Variants in GABRB1 observed in about 807,000 individuals in gnomAD.
The protein encoded by GABRB1 is gamma-aminobutyric acid type A receptor subunit beta1.
A neutral mutation model predicts 51.6 loss-of-function variants in GABRB1; 17 were observed. The observed-to-expected ratio is 0.33, with a 90% confidence interval of 0.23 to 0.49. GABRB1 has a LOEUF of 0.49. Among genes scored for constraint, GABRB1 ranks in the 20% least tolerant of loss-of-function variants. GABRB1 has a pLI of 0.99. For missense variants in GABRB1, 410 were observed against 600.6 expected, an observed-to-expected ratio of 0.68 and a Z score of 3.32; for synonymous variants, 247 against 218.9, an observed-to-expected ratio of 1.13 and a Z score of -1.14.
chr4:47,052,334 A>C (rs1374989019), intron 3 of GABRB1, among the ~76,000 whole-genome samples: 1 of 152,100 alleles, frequency 6.6e-6, no homozygotes. Flanking sequence ...AGGCATAATC[A>C]TTGTTTTCTC....
chr4:47,380,304 C>A (rs769519322), intron 5 of GABRB1, among the ~76,000 whole-genome samples: 3 of 152,164 alleles, frequency 2.0e-5, no homozygotes, highest in Non-Finnish European at 2.9e-5. Context: ...GAAGTAGACA[C>A]ACAGCGGACT....
chr4:47,351,872 G>A (rs1184681027), intron 5 of GABRB1, among the ~76,000 whole-genome samples: 10 of 151,970 alleles, frequency 6.6e-5, no homozygotes, highest in South Asian at 6.2e-4. Flanking sequence ...ATAAACATAC[G>A]TGTGCATGTG....
chr4:47,004,030 C>T (rs1311151400), intron 1 of GABRB1, among the ~76,000 whole-genome samples: 3 of 151,824 alleles, frequency 2.0e-5, no homozygotes, highest in East Asian at 3.9e-4. Context: ...TTGCTCTGTC[C>T]CCAGGCTGGA....
At chr4:47,112,899 A>G (rs1715291555) in intron 3 of GABRB1, among the ~76,000 whole-genome samples, 1 of 152,104 alleles carries the variant, frequency 6.6e-6, no homozygotes, top group Non-Finnish European at 1.5e-5. Flanking sequence ...CTAAAAAGAA[A>G]CCCTATCTCT....
chr4:47,352,553 A>T (rs1726391772), intron 5 of GABRB1, among the ~76,000 whole-genome samples: 1 of 152,200 alleles, frequency 6.6e-6, no homozygotes. Flanking sequence ...CAGCACATCA[A>T]AAAGCTTATC....
intron 5 of GABRB1, among the ~76,000 whole-genome samples, chr4:47,366,696 C>T (rs1726996668): frequency 1.3e-5 from 2 of 151,980 alleles, no homozygotes; most frequent in Non-Finnish European, 2.9e-5. Context: ...TCTTCAGTAA[C>T]TGAAGAATAA....
At chr4:47,370,148 C>T (rs1209312596) in intron 5 of GABRB1, among the ~76,000 whole-genome samples, 4 of 152,148 alleles carry the variant, frequency 2.6e-5, no homozygotes, top group South Asian at 2.1e-4. Context: ...TTTACAAAAA[C>T]GGCTGTTTAT....
rs76376512 is a variant in GABRB1, at chr4:47,355,762, T to A, written c.544+35553T>A. Among the ~76,000 whole-genome samples the A allele has an allele frequency of 7.8e-3, 1,193 of 152,322 alleles. 10 individuals carry two copies. Among genetic ancestry groups the A allele is most frequent in the African/African-American group, 0.026 (1,090 of 41,576 alleles). ...ATCAAGGGCCCTGAGGGAACAATAATTCTGCTATACACTTAAATTGATCTA... is the reference window on the plus strand; with the variant it reads ...ATCAAGGGCCCTGAGGGAACAATAAATCTGCTATACACTTAAATTGATCTA... On this transcript the variant is annotated intron_variant, in intron 5 of 8. Transcript: ENST00000295454.
intron 4 of GABRB1, among the ~76,000 whole-genome samples, chr4:47,260,227 T>G (rs4588437): frequency 2.6e-5 from 4 of 151,438 alleles, no homozygotes; most frequent in African/African-American, 7.3e-5. Flanking sequence ...TGTCTCTGCA[T>G]GTGAGATGGG....
At chr4:47,400,921 C>CTTTTTTTGTTTTTTT (rs1728356266) in intron 5 of GABRB1, among the ~76,000 whole-genome samples, 1 of 98,542 alleles carries the variant, frequency 1.0e-5, no homozygotes, top group African/African-American at 4.1e-5. Flanking sequence ...TTGTTCTTCT[C>CTTTTTTTGTTTTTTT]TTTTTTTTTT....
intron 4 of GABRB1, among the ~76,000 whole-genome samples, chr4:47,267,611 A>G (rs564223326): frequency 9.7e-4 from 147 of 152,194 alleles, no homozygotes; most frequent in African/African-American, 3.3e-3. Context: ...CCTGGCCAAC[A>G]ATGCAAAACC....
At chr4:47,382,504 C>T (rs1727629862) in intron 5 of GABRB1, among the ~76,000 whole-genome samples, 1 of 152,216 alleles carries the variant, frequency 6.6e-6, no homozygotes, top group Non-Finnish European at 1.5e-5. Flanking sequence ...GTAGCTATCA[C>T]TTTGCAAAAT....
intron 5 of GABRB1, among the ~76,000 whole-genome samples, chr4:47,368,395 G>T (rs1268173915): frequency 6.6e-6 from 1 of 152,058 alleles, no homozygotes; most frequent in South Asian, 2.1e-4. Context: ...GGTGACATTT[G>T]GCAATGTCTG....
At chr4:47,400,839 C>G (rs1468695580) in intron 5 of GABRB1, among the ~76,000 whole-genome samples, 1 of 151,870 alleles carries the variant, frequency 6.6e-6, no homozygotes, top group African/African-American at 2.4e-5. Context: ...TTTTCTGTTC[C>G]TGAGTTACTT....
At chr4:47,404,558 T>A (rs1197875390) in intron 7 of GABRB1, among the ~76,000 whole-genome samples, 2 of 151,532 alleles carry the variant, frequency 1.3e-5, no homozygotes, top group Non-Finnish European at 1.5e-5. Flanking sequence ...ACATATTTCA[T>A]CTCTTCACTT....
chr4:47,297,691 T>C, intron 4 of GABRB1, among the ~76,000 whole-genome samples: 1 of 152,188 alleles, frequency 6.6e-6, no homozygotes, highest in Non-Finnish European at 1.5e-5. Context: ...AAGGAGGAAC[T>C]GGTACCATTC....
intron 1 of GABRB1, among the ~76,000 whole-genome samples, chr4:47,016,749 C>A (rs748726012): frequency 6.6e-6 from 1 of 151,960 alleles, no homozygotes; most frequent in African/African-American, 2.4e-5. Context: ...CCACCATGCC[C>A]AGGCTAATTT....
intron 3 of GABRB1, among the ~76,000 whole-genome samples, chr4:47,082,425 G>A (rs1727889287): frequency 6.6e-6 from 1 of 152,026 alleles, no homozygotes. Flanking sequence ...CCTAAAAATT[G>A]TACTAGCTTC....
chr4:47,307,351 T>C (rs967006874), intron 4 of GABRB1, among the ~76,000 whole-genome samples: 2 of 152,076 alleles, frequency 1.3e-5, no homozygotes, highest in Non-Finnish European at 2.9e-5. Flanking sequence ...GGATTTATGC[T>C]CACAAAAGCA....
Sources: allele counts gnomAD v4.1 joint callset (sites outside exome capture counted in the v4.1 genomes callset), GRCh38; gene constraint gnomAD v4.1.1; transcripts MANE v1.5; gene names NCBI Gene and HGNC (gene_info 2026-07-23, HGNC 2026-07-21).